The following GRIN2A variants were observed in gnomAD, a reference collection of about 807,000 sequenced individuals.
GRIN2A encodes the protein glutamate ionotropic receptor NMDA type subunit 2A.
In GRIN2A, 22 loss-of-function variants were observed where a neutral mutation model predicts 113.4. The ratio of observed to expected loss-of-function variants is 0.19; its 90% CI spans 0.14 to 0.28. The LOEUF is 0.28. Ranked by LOEUF, GRIN2A falls within the 10% of genes least tolerant of loss-of-function variation. The probability of loss-of-function intolerance (pLI) is 1.00; values close to 1 mark genes in which losing one functional copy is unlikely to be tolerated. For synonymous variants in GRIN2A, 827 were observed against 738.4 expected, an observed-to-expected ratio of 1.12 and a Z score of -1.94; for missense variants, 1,502 against 1,887.0, an observed-to-expected ratio of 0.80 and a Z score of 3.78.
At chr16:10,094,427 C>T (rs1017795774) in intron 2 of GRIN2A, among the ~76,000 whole-genome samples, 1 of 151,844 alleles carries the variant, frequency 6.6e-6, no homozygotes, top group Non-Finnish European at 1.5e-5. Context: ...TCAGTTCTGA[C>T]TGCATATTAT....
intron 3 of GRIN2A, among the ~76,000 whole-genome samples, chr16:9,904,666 C>A (rs1057421125): frequency 3.9e-5 from 6 of 152,158 alleles, no homozygotes; most frequent in African/African-American, 1.4e-4. Flanking sequence ...AGCCACCGTG[C>A]CTGGCTCTTC....
chr16:10,031,363 T>A (rs2046925930), intron 2 of GRIN2A: 1 of 152,198 alleles, frequency 6.6e-6, no homozygotes, highest in African/African-American at 2.4e-5. Flanking sequence ...CACAAGAGGT[T>A]TTTCCTGCCT....
At chr16:9,866,766 C>T (rs1207652323) in intron 4 of GRIN2A, among the ~76,000 whole-genome samples, 1 of 152,168 alleles carries the variant, frequency 6.6e-6, no homozygotes. Flanking sequence ...TTGACCATCT[C>T]TCCACTGACC....
At chr16:9,964,758 A>T (rs2045517524) in intron 2 of GRIN2A, among the ~76,000 whole-genome samples, 1 of 152,158 alleles carries the variant, frequency 6.6e-6, no homozygotes, top group East Asian at 1.9e-4. Flanking sequence ...TCACAGGATT[A>T]AGTTGGTCCC....
chr16:9,811,171 C>T (rs1255635026), intron 10 of GRIN2A, among the ~76,000 whole-genome samples: 1 of 152,160 alleles, frequency 6.6e-6, no homozygotes, highest in Non-Finnish European at 1.5e-5. Context: ...AGAGCAACTT[C>T]GCATCTCCTA....
At chr16:10,179,747 G>C (rs914623365) in intron 2 of GRIN2A, 1 of 541,954 alleles carries the variant, frequency 1.8e-6, no homozygotes, top group Non-Finnish European at 3.4e-6. Context: ...TTTTCTGAGC[G>C]CTTCCTGGCA....
intron 2 of GRIN2A, among the ~76,000 whole-genome samples, chr16:10,015,252 CAAAAAAAAAAAA>C (rs200124835): frequency 5.2e-5 from 1 of 19,316 alleles, no homozygotes; most frequent in Non-Finnish European, 1.0e-4. Context: ...GACTTCATCT[CAAAAAAAAAAAA>C]AAAAAAAGAA....
At chr16:10,058,959 T>C (rs554821222) in intron 2 of GRIN2A, among the ~76,000 whole-genome samples, 10 of 152,246 alleles carry the variant, frequency 6.6e-5, no homozygotes, top group South Asian at 2.1e-4. Context: ...CAGAGTGATA[T>C]GGGGAAAGGG....
chr16:9,792,107 G>GTA (rs1555487305), intron 11 of GRIN2A, among the ~76,000 whole-genome samples: 14 of 151,560 alleles, frequency 9.2e-5, no homozygotes, highest in Non-Finnish European at 1.6e-4. Flanking sequence ...GTGTGTGTGT[G>GTA]TATCTTTCAA....
At chr16:10,104,527 T>C (rs1336131399) in intron 2 of GRIN2A, among the ~76,000 whole-genome samples, 1 of 152,236 alleles carries the variant, frequency 6.6e-6, no homozygotes, top group East Asian at 1.9e-4. Context: ...TCCATCTGAT[T>C]AGATCAAAAG....
At position 9,937,939 on chromosome 16, in the gene GRIN2A, G is replaced by A. The variant is rs1276882928; in HGVS notation, c.1007+20C>T. 2.6e-6 allele frequency: 4 copies of A among 1,565,422 alleles called. No homozygotes were observed. The highest frequency in any genetic ancestry group is 3.4e-4 in the Middle Eastern group (2 of 5,964). Reference sequence around the variant, plus strand: ...GCAAAACTCTGATCCCACTTTGGGAGACAACAAGCCCTTTCTTACGGGTGC... The same window carrying A: ...GCAAAACTCTGATCCCACTTTGGGAAACAACAAGCCCTTTCTTACGGGTGC... On this transcript the variant is annotated intron_variant, in intron 3 of 12. Coordinates refer to ENST00000330684, the MANE Select transcript of GRIN2A (RefSeq NM_001134407.3).
chr16:10,138,275 T>C (rs1380999130), intron 2 of GRIN2A, among the ~76,000 whole-genome samples: 1 of 152,218 alleles, frequency 6.6e-6, no homozygotes, highest in Non-Finnish European at 1.5e-5. Flanking sequence ...ACTGTGAGAC[T>C]GTATTGGTTC....
intron 2 of GRIN2A, 105 bp downstream of exon 2, chr16:10,179,893 C>CCCCAACACAAAA: frequency 1.4e-6 from 1 of 719,818 alleles, no homozygotes. Flanking sequence ...CCCCCACCCC[C>CCCCAACACAAAA]ACTTCACATC....
At chr16:10,019,256 GTGTC>G (rs1320706646) in intron 2 of GRIN2A, among the ~76,000 whole-genome samples, 11 of 152,274 alleles carry the variant, frequency 7.2e-5, no homozygotes, top group African/African-American at 2.4e-4. Flanking sequence ...ATTTGACACA[GTGTC>G]TGGCATGTGA....
intron 4 of GRIN2A, among the ~76,000 whole-genome samples, chr16:9,868,373 T>C (rs1259267257): frequency 6.6e-6 from 1 of 152,150 alleles, no homozygotes. Flanking sequence ...TTCGAGCGAT[T>C]CTTATGCCTC....
chr16:10,027,862 G>A (rs1353552221), intron 2 of GRIN2A, among the ~76,000 whole-genome samples: 4 of 152,186 alleles, frequency 2.6e-5, no homozygotes, highest in East Asian at 3.9e-4. Flanking sequence ...CCTCGTCCAA[G>A]GCATTCCGAA....
rs184918120 is a variant in GRIN2A, at chr16:9,767,293, G to A, written c.2595+1558C>T. Among the ~76,000 whole-genome samples the A allele has an allele frequency of 6.0e-4, 91 of 152,278 alleles. 1 individual carries two copies. The highest frequency in any genetic ancestry group is 4.4e-4 in the Non-Finnish European group (30 of 68,024). ...CTCACTAAACTAATGTGTACCTTCC[G>A]AATCTCCACAGTTCTTGAAACTAGC... is the stretch of plus-strand genomic sequence containing the variant. On this transcript the variant is annotated intron_variant, in intron 12 of 12. Transcript: ENST00000330684.
chr16:10,035,081 A>T (rs1225895536), intron 2 of GRIN2A, among the ~76,000 whole-genome samples: 2 of 149,438 alleles, frequency 1.3e-5, no homozygotes, highest in Non-Finnish European at 3.0e-5. Flanking sequence ...GCTGGAGTGC[A>T]GTGGCACCAT....
chr16:10,098,458 T>C (rs1414499035), intron 2 of GRIN2A, among the ~76,000 whole-genome samples: 1 of 152,202 alleles, frequency 6.6e-6, no homozygotes, highest in Non-Finnish European at 1.5e-5. Context: ...ACTGGGTATC[T>C]ACCCAGAGGA....
Sources: allele counts gnomAD v4.1 joint callset (sites outside exome capture counted in the v4.1 genomes callset), GRCh38; gene constraint gnomAD v4.1.1; transcripts MANE v1.5; gene names NCBI Gene and HGNC (gene_info 2026-07-23, HGNC 2026-07-21).